Variants in IFRD2 observed in about 807,000 individuals in gnomAD.
IFRD2 encodes interferon related developmental regulator 2.
IFRD2 carries 35 observed loss-of-function variants against 49.2 expected under a neutral mutation model. The ratio of observed to expected loss-of-function variants is 0.71; its 90% CI spans 0.54 to 0.94. The LOEUF is 0.94. IFRD2 is among the 40% of genes least tolerant of loss of function. IFRD2 has a pLI of 0.00. For missense variants in IFRD2, 561 were observed against 591.6 expected (o/e 0.95, Z 0.54); for synonymous variants, 275 against 239.7 (o/e 1.15, Z -1.36).
rs1265019287 is a variant in IFRD2, at chr3:50,289,593, A to G, written c.633T>C (p.Val211=). 1.9e-6 allele frequency: 3 copies of G among 1,593,940 alleles called. No individual in the cohort carries two copies. The highest frequency in any genetic ancestry group is 2.6e-6 in the Non-Finnish European group (3 of 1,170,652). The change falls in exon 7 of 12, where the codon GTT becomes GTC. Residue 211 remains valine (V), a synonymous_variant. Coordinates refer to ENST00000417626, the MANE Select transcript of IFRD2 (RefSeq NM_006764.5). ...CCCCCAAGCCATAGAACCGGCTGAA[A>G]ACACTTTCTAAGCAGGCAAGGCAAG... ...LVSCLACLES[V]FSRFYGLGGS...
intron 1 of IFRD2, 31 bp from the exon 2 acceptor site, chr3:50,290,710 G>A (rs1701657128): frequency 6.2e-7 from 1 of 1,608,396 alleles, no homozygotes; most frequent in Non-Finnish European, 8.5e-7. Context: ...CACTCAACTT[G>A]CCTCTACTGA....
Position 50,288,495 on chromosome 3 carries a change from G to A in IFRD2, c.1162C>T (p.Leu388=), listed in dbSNP as rs1553708978. 1 of 1,614,002 alleles carries A rather than the reference G, an allele frequency of 6.2e-7. No individual in the cohort carries two copies. The highest frequency in any genetic ancestry group is 8.5e-7 in the Non-Finnish European group (1 of 1,179,868). The change falls in exon 11 of 12, where the codon CTA becomes TTA. Residue 388 remains leucine, a synonymous_variant. Transcript: ENST00000417626. The part of the protein sequence containing the change: ...GMHHHLQNNE[L]LRDIFGLGPV... Reference sequence around the variant, plus strand: ...CCCAGGCCAAAGATGTCACGGAGTAGCTCATTGTTCTGGGGGGCAGAGGGC... The same window carrying A: ...CCCAGGCCAAAGATGTCACGGAGTAACTCATTGTTCTGGGGGGCAGAGGGC...
In IFRD2 at chr3:50,292,305, C is replaced by G; in HGVS notation, c.-31G>C. The G allele has an allele frequency of 6.4e-7, 1 of 1,564,188 alleles. No homozygotes were observed. On this transcript the variant is annotated 5_prime_UTR_variant, in exon 1 of 12. It removes the in-frame stop codon of an upstream open reading frame in the 5' UTR. Transcript: ENST00000417626. ...GAACCGGGCGCGGGGGGCGCGGGGT[C>G]AGGGACCCGGTGGGTGTGGGCTCCA... is the stretch of plus-strand genomic sequence containing the variant.
At position 50,289,306 on chromosome 3, in the gene IFRD2, G is replaced by A. The variant is rs774355325; in HGVS notation, c.834C>T (p.Ile278=). The stretch of plus-strand genomic sequence containing the variant: ...GCAGTGCAATGGTTTCACCGGCAGC[G>A]ATCCGCAGGTTCACACTTTCACTGG... ...LLSSESVNLR[I]AAGETIALLF... is the part of the protein sequence containing the mutation. The change falls in exon 8 of 12, where the codon ATC becomes ATT. Residue 278 remains isoleucine (I), a synonymous_variant. Coordinates refer to ENST00000417626, the MANE Select transcript of IFRD2 (RefSeq NM_006764.5). 1.7e-5 allele frequency: 27 copies of A among 1,599,458 alleles called. No homozygotes were observed. In the East Asian group the frequency reaches 5.2e-4, roughly 31 times the overall value.
At chr3:50,291,461 C>G (rs1193294230) in intron 1 of IFRD2, among the ~76,000 whole-genome samples, 1 of 152,130 alleles carries the variant, frequency 6.6e-6, no homozygotes, top group South Asian at 2.1e-4. Flanking sequence ...CACTTCCCCC[C>G]AGGCCTCCCT....
At position 50,288,064 on chromosome 3, in the gene IFRD2, T is replaced by A; in HGVS notation, c.*127A>T. ...CGGGCCCCCAGCTACCCACCCCATG[T>A]CTGTTTTTGGTTTTGTCATTAAAAA... On this transcript the variant is annotated 3_prime_UTR_variant, in exon 12 of 12. Coordinates refer to ENST00000417626, the MANE Select transcript of IFRD2 (RefSeq NM_006764.5). The A allele has an allele frequency of 2.3e-6, 2 of 863,212 alleles. No individual in the cohort carries two copies. Among genetic ancestry groups the A allele is most frequent in the Non-Finnish European group, 3.7e-6 (2 of 540,872 alleles). 53.5% of individuals were successfully genotyped at this position (863,212 alleles called of 1,614,324 possible).
chr3:50,290,820 T>C (rs1338485643), intron 1 of IFRD2, 141 bp from the exon 2 acceptor site: 2 of 1,110,898 alleles, frequency 1.8e-6, no homozygotes, highest in Admixed American at 4.1e-5. Context: ...GTCAGTTCAG[T>C]AGGGCTGGTG....
Position 50,288,399 on chromosome 3 carries a change from G to A in IFRD2, c.1248+10C>T. On this transcript the variant is annotated intron_variant, in intron 11 of 11. Coordinates refer to ENST00000417626, the MANE Select transcript of IFRD2 (RefSeq NM_006764.5). Reference sequence around the variant, plus strand: ...ATAGGGGGAAGAGAAAGGTGCCCAAGGGTGCAAACCTTCTCAAAGCGTGGA... The same window carrying A: ...ATAGGGGGAAGAGAAAGGTGCCCAAAGGTGCAAACCTTCTCAAAGCGTGGA... 2 of 1,610,912 alleles carry A rather than the reference G, an allele frequency of 1.2e-6. No individual in the cohort carries two copies. Among genetic ancestry groups the A allele is most frequent in the Non-Finnish European group, 1.7e-6 (2 of 1,178,442 alleles).
In IFRD2 at chr3:50,290,442, T is replaced by A; in HGVS notation, c.209A>T (p.Gln70Leu). 1 of 1,577,092 alleles carries A rather than the reference T, an allele frequency of 6.3e-7. No homozygotes were observed. The change falls in exon 3 of 12, where the codon CAG (glutamine) becomes CTG (leucine). Residue 70 changes from glutamine to leucine, a missense_variant. By Grantham distance (113) the Gln-to-Leu change is moderately radical (BLOSUM62 -2). Transcript: ENST00000417626. ...CTTCAGCTTTTCCTCAAGGTCTTCC[T>A]GCTGGCCCTGCTCATCCACGACATC... ...GGDVVDEQGQQEDLEEKLKEY... is the reference protein window; with the variant it reads ...GGDVVDEQGQLEDLEEKLKEY...
chr3:50,289,261 G>A lies in IFRD2; in HGVS notation c.879C>T (p.Asp293=). ...TIALLFELAR[D]LEEEFVYEDM... is the part of the protein sequence containing the mutation. ...CCATCCTTGTCCCTCGCACCTCAAG[G>A]TCCCGGGCAAGCTCAAAGAGCAGTG... Residue 293 remains aspartate, a synonymous_variant, in exon 8 of 12, where the codon GAC becomes GAT. Transcript: ENST00000417626. 1 of 1,573,284 alleles carries A rather than the reference G, an allele frequency of 6.4e-7. No homozygotes were observed. The highest frequency in any genetic ancestry group is 2.4e-5 in the East Asian group (1 of 42,326).
At chr3:50,289,205 G>C in intron 8 of IFRD2, 50 bp downstream of exon 8, 1 of 1,472,596 alleles carries the variant, frequency 6.8e-7, no homozygotes, top group Non-Finnish European at 9.3e-7. Context: ...CATCCAGCCT[G>C]TGATGGGCAG....
In IFRD2 at chr3:50,290,109, C is replaced by T. The variant is rs782078427; in HGVS notation, c.389-23G>A. On this transcript the variant is annotated intron_variant, in intron 4 of 11. Transcript: ENST00000417626. ...TCCCTGTGGGATGCTTTCCAGTCAG[C>T]CCATGCAGCAAGGGCCAGTGTCTGC... The T allele has an allele frequency of 1.8e-5, 29 of 1,612,546 alleles. No individual in the cohort carries two copies. In the South Asian group the frequency reaches 3.2e-4, roughly 18 times the overall value.
In IFRD2 at chr3:50,288,927, A is replaced by T. The variant is rs1332100301; in HGVS notation, c.896T>A (p.Val299Asp). 3.7e-6 allele frequency: 6 copies of T among 1,612,332 alleles called. No homozygotes were observed. The highest frequency in any genetic ancestry group is 1.3e-5 in the African/African-American group (1 of 74,918). The change falls in exon 9 of 12, where the codon GTT (valine) becomes GAT (aspartate). Residue 299 changes from valine to aspartate, a missense_variant. Physicochemically the swap from Val to Asp is radical, Grantham distance 152 (BLOSUM62 -3). Coordinates refer to ENST00000417626, the MANE Select transcript of IFRD2 (RefSeq NM_006764.5). ...ELARDLEEEF[V>D]YEDMEALCSV... ...GCAGAGGGCCTCCATGTCCTCGTAA[A>T]CAAACTCCTCCTGCAATGGGAGCAT...
At chr3:50,290,344 A>C in intron 3 of IFRD2, 44 bp downstream of exon 3, 1 of 1,600,904 alleles carries the variant, frequency 6.2e-7, no homozygotes, top group Non-Finnish European at 8.5e-7. Context: ...TCCCTTGATC[A>C]CACTTGGAGC....
Position 50,287,741 on chromosome 3 carries a change from C to T in IFRD2, c.*450G>A, listed in dbSNP as rs1319262459. 2 of 215,020 alleles carry T rather than the reference C, an allele frequency of 9.3e-6. No homozygotes were observed. Among genetic ancestry groups the T allele is most frequent in the African/African-American group, 4.6e-5 (2 of 43,638 alleles). 13.3% of individuals were successfully genotyped at this position (215,020 alleles called of 1,614,324 possible). On this transcript the variant is annotated 3_prime_UTR_variant, in exon 12 of 12. Coordinates refer to ENST00000417626, the MANE Select transcript of IFRD2 (RefSeq NM_006764.5). ...GAAAAATACCCAGGGGTTAAGACCA[C>T]AGAAGGCTGACCGTTCTGTTTAATT...
chr3:50,289,193 T>C (rs1408821720), intron 8 of IFRD2, 62 bp downstream of exon 8: 1 of 1,418,958 alleles, frequency 7.0e-7, no homozygotes, highest in African/African-American at 1.4e-5. Context: ...TGGCACCCCC[T>C]GCATCCAGCC....
chr3:50,289,309 C>G lies in IFRD2; in HGVS notation c.831G>C (p.Arg277=), dbSNP rs959087847. The G allele has an allele frequency of 1.2e-5, 20 of 1,600,162 alleles. No homozygotes were observed. Among genetic ancestry groups the G allele is most frequent in the Non-Finnish European group, 1.7e-5 (20 of 1,173,746 alleles). ...QLLSSESVNL[R]IAAGETIALL... is the part of the protein sequence containing the mutation. ...GTGCAATGGTTTCACCGGCAGCGAT[C>G]CGCAGGTTCACACTTTCACTGGACA... The change falls in exon 8 of 12, where the codon CGG becomes CGC. Residue 277 remains arginine, a synonymous_variant. Coordinates refer to ENST00000417626, the MANE Select transcript of IFRD2 (RefSeq NM_006764.5).
chr3:50,292,122 T>C, intron 1 of IFRD2, 95 bp downstream of exon 1: 5 of 1,296,556 alleles, frequency 3.9e-6, no homozygotes, highest in Non-Finnish European at 5.1e-6. Flanking sequence ...GCCGAGGGGG[T>C]TCCCCACCCA....
chr3:50,289,231 AC>A, intron 8 of IFRD2, 23 bp downstream of exon 8: 3 of 1,544,234 alleles, frequency 1.9e-6, no homozygotes, highest in Middle Eastern at 1.7e-4. Flanking sequence ...GTCACCAAGC[AC>A]CCCCCATCCT....
Sources: allele counts gnomAD v4.1 joint callset (sites outside exome capture counted in the v4.1 genomes callset), GRCh38; gene constraint gnomAD v4.1.1; transcripts MANE v1.5; gene names NCBI Gene and HGNC (gene_info 2026-07-23, HGNC 2026-07-21).